The following MAPK8IP3 variants were observed in gnomAD, a reference collection of about 807,000 sequenced individuals.
MAPK8IP3 encodes mitogen-activated protein kinase 8 interacting protein 3, also known as C-Jun-amino-terminal kinase-interacting protein 3.
MAPK8IP3 carries 49 observed loss-of-function variants against 157.8 expected under a neutral mutation model. The ratio of observed to expected loss-of-function variants is 0.31; its 90% CI spans 0.25 to 0.39. The LOEUF (loss-of-function observed/expected upper bound fraction) is 0.39. Ranked by LOEUF, MAPK8IP3 falls within the 10% of genes least tolerant of loss-of-function variation. The pLI, the probability that MAPK8IP3 is intolerant of heterozygous loss-of-function variation, is 1.00. For missense variants in MAPK8IP3, 1,478 were observed against 1,889.4 expected (o/e 0.78, Z 4.04); for synonymous variants, 897 against 777.7 (o/e 1.15, Z -2.55).
chr16:1,740,777 G>C (rs1207476460), intron 4 of MAPK8IP3, among the ~76,000 whole-genome samples: 1 of 152,214 alleles, frequency 6.6e-6, no homozygotes, highest in East Asian at 1.9e-4. Flanking sequence ...GGCACATTAG[G>C]GCATCAGTTA....
intron 2 of MAPK8IP3, among the ~76,000 whole-genome samples, chr16:1,727,322 G>A (rs773049001): frequency 6.6e-6 from 1 of 151,934 alleles, no homozygotes; most frequent in Non-Finnish European, 1.5e-5. Context: ...TGTGCTGTGT[G>A]CGGCGTCTGT....
At chr16:1,733,581 T>G (rs533584132) in intron 4 of MAPK8IP3, among the ~76,000 whole-genome samples, 18 of 152,310 alleles carry the variant, frequency 1.2e-4, no homozygotes, top group African/African-American at 4.1e-4. Context: ...GCTGTCGAGG[T>G]GTCCCCGCGG....
intron 4 of MAPK8IP3, among the ~76,000 whole-genome samples, chr16:1,732,982 G>A (rs533815316): frequency 2.6e-5 from 4 of 152,382 alleles, no homozygotes; most frequent in South Asian, 4.1e-4. Flanking sequence ...ATTCTCATTC[G>A]CAGCTCCCGT....
intron 1 of MAPK8IP3, among the ~76,000 whole-genome samples, chr16:1,717,250 A>G (rs1198023462): frequency 6.6e-6 from 1 of 150,996 alleles, no homozygotes; most frequent in Non-Finnish European, 1.5e-5. Flanking sequence ...AAAAAAAAAA[A>G]AAAAGAAAGA....
At chr16:1,764,962 C>T (rs754603713) in intron 19 of MAPK8IP3, 51 bp from the exon 20 acceptor site, 2 of 1,562,844 alleles carry the variant, frequency 1.3e-6, no homozygotes, top group Admixed American at 1.8e-5. Flanking sequence ...TGTGCTGCCA[C>T]CGGGTAGCCT....
rs758607703 is a variant in MAPK8IP3 at position 1,766,647 on chromosome 16, T to A, written c.2938T>A (p.Trp980Arg). ...CATGTGGCTGGGAGCCCAGAACGGCTGGTAGGAAGGGCCCGGGGCAAGGTG... is the reference window on the plus strand; with the variant it reads ...CATGTGGCTGGGAGCCCAGAACGGCAGGTAGGAAGGGCCCGGGGCAAGGTG... ...PTMWLGAQNG[W>R]LYVHSAVANW... Residue 980 changes from tryptophan to arginine, a missense_variant and splice_region_variant, in exon 23 of 32, where the codon TGG (tryptophan) becomes AGG (arginine). Physicochemically the swap from Trp to Arg is moderately radical, Grantham distance 101. This residue lies in a region of MAPK8IP3 where 669 missense variants were observed against 759.8 expected (regional missense o/e 0.88). Transcript: ENST00000610761. 1 of 1,612,370 alleles carries A rather than the reference T, an allele frequency of 6.2e-7. No homozygotes were observed. Among genetic ancestry groups the A allele is most frequent in the South Asian group, 1.1e-5 (1 of 91,076 alleles).
Position 1,743,247 on chromosome 16 carries a change from A to G in MAPK8IP3, c.603-85A>G. 4 of 1,451,856 alleles carry G rather than the reference A, an allele frequency of 2.8e-6. No individual in the cohort carries two copies. Among genetic ancestry groups the G allele is most frequent in the Non-Finnish European group, 3.6e-6 (4 of 1,109,600 alleles). The allele number at this position is 1,451,856 out of a possible 1,614,324, so 89.9% of individuals were successfully genotyped here. A position where few individuals can be genotyped will look rare whatever the true frequency, so the allele number is the denominator to read the frequency against. On this transcript the variant is annotated intron_variant, in intron 4 of 31. Transcript: ENST00000610761. This position sits in a 1 kb window ranked among gnomAD's most constrained non-coding sequence, Gnocchi z 5.6. Reference sequence around the variant, plus strand: ...TGGCATGGAGCGGCCCCATCACTCGAGGTCTGCTTGCCCTGGGAGGGCTTG... The same window carrying G: ...TGGCATGGAGCGGCCCCATCACTCGGGGTCTGCTTGCCCTGGGAGGGCTTG...
At position 1,766,268 on chromosome 16, in the gene MAPK8IP3, C is replaced by T; in HGVS notation, c.2678C>T (p.Thr893Ile). The T allele has an allele frequency of 6.2e-7, 1 of 1,612,572 alleles. No individual in the cohort carries two copies. The highest frequency in any genetic ancestry group is 1.3e-5 in the African/African-American group (1 of 75,050). The change falls in exon 22 of 32, where the codon ACA becomes ATA. Residue 893 changes from threonine to isoleucine, a missense_variant. Coordinates refer to ENST00000610761, the MANE Select transcript of MAPK8IP3 (RefSeq NM_001318852.2). ...ANGKVNPSQSTEEATEATEVP... is the reference protein window; with the variant it reads ...ANGKVNPSQSIEEATEATEVP... ...GGGAAGGTCAACCCGTCCCAGTCCA[C>T]AGAGGAGGCCACAGAGGCCACGGAG...
At chr16:1,761,404 AT>A (rs1222063520) in intron 13 of MAPK8IP3, 99 bp downstream of exon 13, 30 of 1,021,422 alleles carry the variant, frequency 2.9e-5, no homozygotes, top group Non-Finnish European at 4.1e-5. Flanking sequence ...GGTGACCACC[AT>A]TCACCATTCA....
At position 1,748,213 on chromosome 16, in the gene MAPK8IP3, T is replaced by C. The variant is rs201858827; in HGVS notation, c.995-31T>C. The stretch of plus-strand genomic sequence containing the variant: ...GGGCAGAGGCTGCCAGACCCTCTCC[T>C]GACCCCAGGTGCCCCTGTGCTCTCC... On this transcript the variant is annotated intron_variant, in intron 6 of 31. Transcript: ENST00000610761. The C allele has an allele frequency of 1.9e-6, 3 of 1,560,818 alleles. No individual in the cohort carries two copies. The South Asian group carries it at 3.3e-5, about 17-fold the overall frequency.
intron 1 of MAPK8IP3, among the ~76,000 whole-genome samples, chr16:1,723,429 C>T (rs1367488509): frequency 2.0e-5 from 3 of 151,996 alleles, no homozygotes; most frequent in African/African-American, 4.8e-5. Flanking sequence ...TGGCTCACAG[C>T]GTGAGCCACT....
At chr16:1,738,928 G>T (rs1224526637) in intron 4 of MAPK8IP3, among the ~76,000 whole-genome samples, 1 of 131,286 alleles carries the variant, frequency 7.6e-6, no homozygotes, top group Non-Finnish European at 1.6e-5. Flanking sequence ...GTGTGTGAGC[G>T]TCCGTGTGAG....
intron 4 of MAPK8IP3, among the ~76,000 whole-genome samples, chr16:1,738,763 GCGTC>G (rs1222069954): frequency 6.1e-5 from 8 of 131,138 alleles, no homozygotes; most frequent in African/African-American, 1.6e-4. Context: ...GTCCGTGTGA[GCGTC>G]CGTGTGAGCG....
intron 19 of MAPK8IP3, among the ~76,000 whole-genome samples, chr16:1,764,661 C>T (rs74002444): frequency 0.036 from 5,436 of 152,288 alleles, 322 homozygotes; most frequent in African/African-American, 0.12. Context: ...TTTCACCCCC[C>T]AGGTGGCCTG....
At chr16:1,756,089 C>T (rs2041583358) in intron 8 of MAPK8IP3, among the ~76,000 whole-genome samples, 1 of 151,960 alleles carries the variant, frequency 6.6e-6, no homozygotes, top group Non-Finnish European at 1.5e-5. Flanking sequence ...TGGTGGTGGA[C>T]CAGCAGCTGG....
rs1280729893 is a variant in MAPK8IP3, at chr16:1,729,554, C to G, written c.578C>G (p.Thr193Ser). 6.2e-7 allele frequency: 1 copy of G among 1,609,426 alleles called. No individual in the cohort carries two copies. Among genetic ancestry groups the G allele is most frequent in the East Asian group, 2.2e-5 (1 of 44,742 alleles). Reference protein sequence around the residue: ...KMQQVGGNSQTESSLPGRSRK... With the variant: ...KMQQVGGNSQSESSLPGRSRK... ...CAGCAGGTCGGAGGAAACAGCCAGACCGAGAGCAGCCTGCCGGGGCGGAGG... is the reference window on the plus strand; with the variant it reads ...CAGCAGGTCGGAGGAAACAGCCAGAGCGAGAGCAGCCTGCCGGGGCGGAGG... The change falls in exon 4 of 32, where the codon ACC (threonine) becomes AGC (serine). Residue 193 changes from threonine to serine, a missense_variant. Physicochemically the swap from Thr to Ser is moderately conservative, Grantham distance 58. Around this residue, in one of 11 missense-constraint regions of MAPK8IP3, gnomAD observed 315 missense variants for 394.4 expected, o/e 0.80. Transcript: ENST00000610761.
Position 1,737,191 on chromosome 16 carries a change from T to A in MAPK8IP3, c.603-6141T>A, listed in dbSNP as rs537409527. 3.0e-3 allele frequency among the ~76,000 whole-genome samples: 265 copies of A among 87,602 alleles called. 19 individuals are homozygous for A. Among genetic ancestry groups the A allele is most frequent in the Non-Finnish European group, 4.8e-3 (207 of 42,994 alleles). 57.5% of individuals were successfully genotyped at this position (87,602 alleles called of 152,430 possible). On this transcript the variant is annotated intron_variant, in intron 4 of 31. Coordinates refer to ENST00000610761, the MANE Select transcript of MAPK8IP3 (RefSeq NM_001318852.2). ...ATCCGTGTGAGCGTGTGACCGTCCG[T>A]GTGAGCGTGTGACCATCCGTGAGAG...
At chr16:1,749,213 G>A (rs969196372) in intron 8 of MAPK8IP3, among the ~76,000 whole-genome samples, 4 of 152,192 alleles carry the variant, frequency 2.6e-5, no homozygotes, top group African/African-American at 9.7e-5. Flanking sequence ...GCACGGTGCG[G>A]TGGGTTACAG....
rs2038704899 is a variant in MAPK8IP3 at position 1,724,008 on chromosome 16, T to C, written c.319-549T>C. 6.6e-6 allele frequency among the ~76,000 whole-genome samples: 1 copy of C among 152,188 alleles called. No individual in the cohort carries two copies. On this transcript the variant is annotated intron_variant, in intron 1 of 31. Transcript: ENST00000610761. This position sits in a 1 kb window ranked among gnomAD's most constrained non-coding sequence, Gnocchi z 4.1. The stretch of plus-strand genomic sequence containing the variant: ...TCCCAGTAACGATGGTGTCCTGAGC[T>C]GAGCTGCAACTGACATGCAGAAAAG...
Sources: allele counts gnomAD v4.1 joint callset (sites outside exome capture counted in the v4.1 genomes callset), GRCh38; gene constraint gnomAD v4.1.1; regional missense constraint gnomAD v4.1.1; non-coding constraint Gnocchi (gnomAD v3.1); transcripts MANE v1.5; gene names NCBI Gene and HGNC (gene_info 2026-07-23, HGNC 2026-07-21).